Variants in CACNA1E observed in about 807,000 individuals in gnomAD.
CACNA1E encodes calcium voltage-gated channel subunit alpha1 E.
Under a neutral mutation model 259.2 loss-of-function variants are expected in CACNA1E, and 40 were observed. That is an observed-to-expected ratio of 0.15 (90% CI 0.12 to 0.20). The LOEUF is 0.20. Ranked by LOEUF, CACNA1E falls within the 10% of genes least tolerant of loss-of-function variation. The probability of loss-of-function intolerance (pLI) is 1.00; values close to 1 mark genes in which losing one functional copy is unlikely to be tolerated. For missense variants in CACNA1E, 1,874 were observed against 3,040.1 expected, an observed-to-expected ratio of 0.62 and a Z score of 9.02; for synonymous variants, 1,104 against 1,138.5, an observed-to-expected ratio of 0.97 and a Z score of 0.61.
intron 8 of CACNA1E, among the ~76,000 whole-genome samples, chr1:181,713,355 A>G (rs535272290): frequency 6.6e-6 from 1 of 152,228 alleles, no homozygotes; most frequent in Admixed American, 6.5e-5. Flanking sequence ...CCCTCCAAAC[A>G]CGTGCTATAA....
intron 6 of CACNA1E, among the ~76,000 whole-genome samples, chr1:181,583,902 G>C (rs1198070024): frequency 1.3e-5 from 2 of 152,080 alleles, no homozygotes; most frequent in Non-Finnish European, 2.9e-5. Flanking sequence ...AGGTCTCCTC[G>C]ACTTGCAAAC....
At chr1:181,570,749 T>C (rs1251313463) in intron 3 of CACNA1E, among the ~76,000 whole-genome samples, 2 of 152,212 alleles carry the variant, frequency 1.3e-5, no homozygotes, top group African/African-American at 4.8e-5. Context: ...GTCAATCTTC[T>C]GCCTTTTTCT....
rs114178362 is a variant in CACNA1E, at chr1:181,722,252, C to T, written c.2074+377C>T. ...ACATGCTAATGTAGAACAGAGCCTG[C>T]CACATAGTAAGATCCCAAAAAATTA... On this transcript the variant is annotated intron_variant, in intron 16 of 47. Transcript: ENST00000367573. Among the ~76,000 whole-genome samples the T allele has an allele frequency of 3.1e-3, 474 of 152,250 alleles. 1 individual carries two copies. The highest frequency in any genetic ancestry group is 0.01 in the African/African-American group (433 of 41,538).
intron 6 of CACNA1E, among the ~76,000 whole-genome samples, chr1:181,609,472 G>A (rs1654543878): frequency 6.6e-6 from 1 of 152,266 alleles, no homozygotes; most frequent in East Asian, 1.9e-4. Flanking sequence ...CAGAAGAACA[G>A]CCAAGTATGG....
At chr1:181,696,565 G>T (rs987271240) in intron 7 of CACNA1E, among the ~76,000 whole-genome samples, 2 of 152,158 alleles carry the variant, frequency 1.3e-5, no homozygotes, top group African/African-American at 4.8e-5. Context: ...CAAAGGAGTA[G>T]ATTAAACCTG....
chr1:181,623,294 T>G (rs1411183736), intron 6 of CACNA1E, among the ~76,000 whole-genome samples: 1 of 152,190 alleles, frequency 6.6e-6, no homozygotes, highest in African/African-American at 2.4e-5. Flanking sequence ...AAATCTTTAA[T>G]GTACACATAT....
intron 2 of CACNA1E, among the ~76,000 whole-genome samples, chr1:181,447,888 C>T (rs541390322): frequency 1.3e-5 from 2 of 152,294 alleles, no homozygotes; most frequent in South Asian, 4.1e-4. Flanking sequence ...GGCTTGTGGC[C>T]TCTTCTCTCC....
At chr1:181,560,931 A>G (rs1051690414) in intron 3 of CACNA1E, among the ~76,000 whole-genome samples, 1 of 152,252 alleles carries the variant, frequency 6.6e-6, no homozygotes, top group Non-Finnish European at 1.5e-5. Context: ...GGCCTGACAC[A>G]TGCTACAGCA....
In CACNA1E at chr1:181,651,319, C is replaced by A. The variant is rs769560869; in HGVS notation, c.952-19C>A. On this transcript the variant is annotated intron_variant, in intron 6 of 47. Coordinates refer to ENST00000367573, the MANE Select transcript of CACNA1E (RefSeq NM_001205293.3). ...GAAGATGGCTTTAAGTATTAAGGAA[C>A]CATTTTTCTTTCTTTCAGACCAATG... 12 of 1,522,836 alleles carry A rather than the reference C, an allele frequency of 7.9e-6. No homozygotes were observed. The highest frequency in any genetic ancestry group is 1.1e-5 in the Non-Finnish European group (12 of 1,098,164). 94.3% of individuals were successfully genotyped at this position (1,522,836 alleles called of 1,614,324 possible).
intron 7 of CACNA1E, among the ~76,000 whole-genome samples, chr1:181,697,815 G>A (rs910533464): frequency 6.6e-6 from 1 of 152,162 alleles, no homozygotes; most frequent in Non-Finnish European, 1.5e-5. Flanking sequence ...ATAGGCATTG[G>A]TCCATGGTTC....
chr1:181,323,898 T>C (rs539040296), intron 1 of CACNA1E, among the ~76,000 whole-genome samples: 23 of 152,316 alleles, frequency 1.5e-4, no homozygotes, highest in African/African-American at 4.6e-4. Context: ...CCTAGGTTCA[T>C]CCAGGCAAGG....
intron 7 of CACNA1E, among the ~76,000 whole-genome samples, chr1:181,695,070 T>G (rs192662498): frequency 6.6e-6 from 1 of 152,292 alleles, no homozygotes; most frequent in Admixed American, 6.5e-5. Flanking sequence ...GGGTTATATA[T>G]GCTTGCAATG....
At chr1:181,702,919 ATTG>A (rs1652418165) in intron 7 of CACNA1E, among the ~76,000 whole-genome samples, 2 of 152,096 alleles carry the variant, frequency 1.3e-5, no homozygotes, top group Admixed American at 6.5e-5. Context: ...TATCTTGTTT[ATTG>A]TTTTTCTCCT....
chr1:181,619,835 T>C (rs1329777465), intron 6 of CACNA1E, among the ~76,000 whole-genome samples: 1 of 152,062 alleles, frequency 6.6e-6, no homozygotes, highest in African/African-American at 2.4e-5. Context: ...AGGATGGCAT[T>C]GTAATTAACT....
chr1:181,567,987 T>A (rs977172501), intron 3 of CACNA1E, among the ~76,000 whole-genome samples: 2 of 152,088 alleles, frequency 1.3e-5, no homozygotes, highest in African/African-American at 4.8e-5. Context: ...ATCTGGCTTG[T>A]GATGTAAAAT....
In CACNA1E at chr1:181,710,060, C is replaced by T. The variant is rs561098027; in HGVS notation, c.1056-894C>T. ...CTTAGTCCTCTTCTCTTCTCTTTCT[C>T]CCATGGAGCTGTAGCCTTCTCATTC... On this transcript the variant is annotated intron_variant, in intron 7 of 47. Transcript: ENST00000367573. Among the ~76,000 whole-genome samples, 119 of 152,306 alleles carry T rather than the reference C, an allele frequency of 7.8e-4. 1 individual carries two copies. In the South Asian group the frequency reaches 0.01, roughly 13 times the overall value.
At chr1:181,372,760 T>C (rs1189957563) in intron 1 of CACNA1E, among the ~76,000 whole-genome samples, 1 of 151,816 alleles carries the variant, frequency 6.6e-6, no homozygotes, top group African/African-American at 2.4e-5. Flanking sequence ...TTGAAGTATG[T>C]TCCTTTGATA....
intron 3 of CACNA1E, among the ~76,000 whole-genome samples, chr1:181,549,675 A>G (rs1003229013): frequency 2.6e-5 from 4 of 152,162 alleles, no homozygotes; most frequent in African/African-American, 9.6e-5. Flanking sequence ...TTGCTGGAGC[A>G]ATGGGTGTTG....
chr1:181,532,891 C>T (rs553511208), intron 3 of CACNA1E, among the ~76,000 whole-genome samples: 21 of 152,332 alleles, frequency 1.4e-4, no homozygotes, highest in African/African-American at 4.1e-4. Context: ...GGTTACCATT[C>T]GCTTTATAGG....
Sources: gnomAD v4.1 joint callset for allele counts (sites outside exome capture counted in the v4.1 genomes callset) on GRCh38, gnomAD v4.1.1 for gene constraint, MANE v1.5 for transcripts, NCBI Gene and HGNC (gene_info 2026-07-23, HGNC 2026-07-21) for gene names.